The following ROBO2 variants were observed in gnomAD, a reference collection of about 807,000 sequenced individuals.
ROBO2 encodes roundabout guidance receptor 2.
In ROBO2, 53 loss-of-function variants were observed where a neutral mutation model predicts 160.8. The ratio of observed to expected loss-of-function variants is 0.33; its 90% CI spans 0.26 to 0.41. The LOEUF is 0.41. ROBO2 is among the 10% of genes least tolerant of loss of function. ROBO2 has a pLI of 1.00. For missense variants in ROBO2, 1,577 were observed against 1,722.4 expected (o/e 0.92, Z 1.49); for synonymous variants, 664 against 611.7 (o/e 1.09, Z -1.26).
At chr3:77,073,002 A>G (rs2067581600) in intron 1 of ROBO2, among the ~76,000 whole-genome samples, 1 of 152,226 alleles carries the variant, frequency 6.6e-6, no homozygotes, top group Non-Finnish European at 1.5e-5. Context: ...ACAAACATGA[A>G]CAGAAAATAA....
chr3:76,806,402 G>C (rs1437191499), intron 2 of ROBO2, among the ~76,000 whole-genome samples: 1 of 151,964 alleles, frequency 6.6e-6, no homozygotes, highest in Non-Finnish European at 1.5e-5. Flanking sequence ...TCTCTGAACA[G>C]TGAGGTAGAT....
At chr3:76,466,507 G>GTTT (rs1559994353) in intron 2 of ROBO2, among the ~76,000 whole-genome samples, 1 of 151,928 alleles carries the variant, frequency 6.6e-6, no homozygotes, top group Non-Finnish European at 1.5e-5. Context: ...CCATGGAAAT[G>GTTT]TTTTAAAGAG....
intron 2 of ROBO2, among the ~76,000 whole-genome samples, chr3:76,663,840 G>T (rs1437718054): frequency 1.3e-5 from 2 of 151,874 alleles, no homozygotes; most frequent in Admixed American, 6.6e-5. Flanking sequence ...GGAGGCGGAG[G>T]TTGCAGTGAG....
intron 2 of ROBO2, among the ~76,000 whole-genome samples, chr3:77,273,108 T>C (rs1171491968): frequency 6.6e-6 from 1 of 152,188 alleles, no homozygotes; most frequent in Admixed American, 6.5e-5. Context: ...ACCGTTTCCC[T>C]TCCTTTTTCC....
At chr3:76,822,625 A>G (rs887967727) in intron 2 of ROBO2, among the ~76,000 whole-genome samples, 3 of 151,862 alleles carry the variant, frequency 2.0e-5, no homozygotes, top group Admixed American at 6.6e-5. Context: ...AAAAATTATC[A>G]TGATGAATGA....
At chr3:77,114,928 C>G (rs2074050927) in intron 2 of ROBO2, among the ~76,000 whole-genome samples, 1 of 152,084 alleles carries the variant, frequency 6.6e-6, no homozygotes, top group Non-Finnish European at 1.5e-5. Context: ...TCACATTTGT[C>G]CTCTCTTTGA....
intron 1 of ROBO2, among the ~76,000 whole-genome samples, chr3:75,913,592 A>G (rs1422853696): frequency 6.6e-6 from 1 of 152,190 alleles, no homozygotes; most frequent in Non-Finnish European, 1.5e-5. Flanking sequence ...GATTTGTCAA[A>G]TCTAGCTCTA....
intron 2 of ROBO2, among the ~76,000 whole-genome samples, chr3:77,405,796 A>C (rs1429272750): frequency 1.3e-5 from 2 of 152,180 alleles, no homozygotes; most frequent in Non-Finnish European, 2.9e-5. Context: ...TTGATAGTGC[A>C]GAGGTGAGCA....
At chr3:76,493,667 T>C (rs1416765964) in intron 2 of ROBO2, among the ~76,000 whole-genome samples, 1 of 152,206 alleles carries the variant, frequency 6.6e-6, no homozygotes, top group East Asian at 1.9e-4. Flanking sequence ...GCCATCTCTT[T>C]CCATTTACTA....
intron 2 of ROBO2, among the ~76,000 whole-genome samples, chr3:76,917,422 T>G (rs753812638): frequency 6.6e-6 from 1 of 152,176 alleles, no homozygotes; most frequent in African/African-American, 2.4e-5. Flanking sequence ...GAAAAATGAT[T>G]GATAAGTGTA....
chr3:76,004,170 G>A (rs577192181), intron 2 of ROBO2, among the ~76,000 whole-genome samples: 1 of 152,186 alleles, frequency 6.6e-6, no homozygotes, highest in Non-Finnish European at 1.5e-5. Context: ...ATTAGTAAAA[G>A]TATAATCAAA....
intron 2 of ROBO2, among the ~76,000 whole-genome samples, chr3:76,915,345 G>A (rs1467766041): frequency 6.6e-6 from 1 of 151,998 alleles, no homozygotes; most frequent in Non-Finnish European, 1.5e-5. Context: ...AGCCTTAGTA[G>A]TGTTGTGAAA....
intron 2 of ROBO2, among the ~76,000 whole-genome samples, chr3:76,401,660 A>G (rs559574280): frequency 6.6e-6 from 1 of 151,594 alleles, no homozygotes; most frequent in Admixed American, 6.6e-5. Flanking sequence ...AAGCTTCACA[A>G]TAAATTTATG....
chr3:77,529,413 C>T (rs771309973), intron 6 of ROBO2, among the ~76,000 whole-genome samples: 2 of 151,486 alleles, frequency 1.3e-5, no homozygotes, highest in South Asian at 2.1e-4. Context: ...GGTTTTGCAT[C>T]GGCAGCAGTT....
intron 2 of ROBO2, among the ~76,000 whole-genome samples, chr3:77,340,099 A>G (rs779887334): frequency 7.2e-5 from 11 of 152,220 alleles, no homozygotes; most frequent in East Asian, 1.9e-4. Flanking sequence ...AAACTGTCCT[A>G]TGTTCTTTGC....
chr3:76,922,874 GTTA>G (rs962069920), intron 2 of ROBO2, among the ~76,000 whole-genome samples: 1 of 152,186 alleles, frequency 6.6e-6, no homozygotes, highest in Non-Finnish European at 1.5e-5. Context: ...GTATAGGGCT[GTTA>G]TTATTTCATT....
chr3:76,685,270 G>T (rs886947104), intron 2 of ROBO2, among the ~76,000 whole-genome samples: 2 of 150,710 alleles, frequency 1.3e-5, no homozygotes, highest in Non-Finnish European at 2.9e-5. Flanking sequence ...GACAGTCGAG[G>T]TTTTGAAGCA....
chr3:76,668,568 T>C (rs115821736), intron 2 of ROBO2, among the ~76,000 whole-genome samples: 1 of 152,326 alleles, frequency 6.6e-6, no homozygotes, highest in Non-Finnish European at 1.5e-5. Flanking sequence ...GCTGTACAAC[T>C]TGGGTTGAAG....
Position 76,281,125 on chromosome 3 carries a change from T to C in ROBO2, c.109+343523T>C, listed in dbSNP as rs1708209736. Among the ~76,000 whole-genome samples the C allele has an allele frequency of 2.0e-5, 3 of 151,998 alleles. No individual in the cohort carries two copies. In the South Asian group the frequency reaches 6.2e-4, roughly 32 times the overall value. On this transcript the variant is annotated intron_variant, in intron 2 of 26. Coordinates refer to the ROBO2 transcript ENST00000487694. ...TCATATCAAAAATAATAAATCCAAC[T>C]GCATGCCCATCTGTAGAGAAATGCC...
Sources: gnomAD v4.1 joint callset for allele counts (sites outside exome capture counted in the v4.1 genomes callset) on GRCh38, gnomAD v4.1.1 for gene constraint, MANE v1.5 for transcripts, NCBI Gene and HGNC (gene_info 2026-07-23, HGNC 2026-07-21) for gene names.